SLC66A2: variants seen among roughly 807,000 people sequenced by gnomAD.
The protein encoded by SLC66A2 is PQ loop repeat containing 1.
SLC66A2 carries 23 observed loss-of-function variants against 25.5 expected under a neutral mutation model. The ratio of observed to expected loss-of-function variants is 0.90; its 90% CI spans 0.65 to 1.28. SLC66A2 has a LOEUF of 1.28. SLC66A2 is among the 50% of genes most tolerant of loss of function. The probability of loss-of-function intolerance (pLI) is 0.00; values close to 1 mark genes in which losing one functional copy is unlikely to be tolerated. For synonymous variants in SLC66A2, 193 were observed against 166.5 expected (o/e 1.16, Z -1.23); for missense variants, 396 against 373.1 (o/e 1.06, Z -0.51).
At chr18:79,932,290 A>G (rs1343524944) in intron 4 of SLC66A2, among the ~76,000 whole-genome samples, 1 of 152,178 alleles carries the variant, frequency 6.6e-6, no homozygotes, top group Non-Finnish European at 1.5e-5. Context: ...ATTAAAAAGG[A>G]AGAAAGAAAA....
rs900426749 is a variant in SLC66A2 at position 79,940,022 on chromosome 18, C to G, written c.337+3307G>C. On this transcript the variant is annotated intron_variant, in intron 3 of 5. Transcript: ENST00000397778. This position sits in a 1 kb window ranked among gnomAD's most constrained non-coding sequence, Gnocchi z 4.1. ...TCTTCTGGATGAAGCAAATGTGGTA[C>G]GTATACACCACGGAACACTATGCAG... 6.6e-6 allele frequency among the ~76,000 whole-genome samples: 1 copy of G among 152,144 alleles called. No individual in the cohort carries two copies. The highest frequency in any genetic ancestry group is 2.4e-5 in the African/African-American group (1 of 41,410).
chr18:79,907,156 G>A (rs1982231760), intron 5 of SLC66A2, among the ~76,000 whole-genome samples: 1 of 152,072 alleles, frequency 6.6e-6, no homozygotes, highest in African/African-American at 2.4e-5. Flanking sequence ...GGTATGATTA[G>A]GCCATTTACA....
intron 3 of SLC66A2, among the ~76,000 whole-genome samples, chr18:79,935,799 G>GGA (rs145555593): frequency 6.5e-4 from 99 of 151,178 alleles, no homozygotes; most frequent in African/African-American, 5.3e-4. Context: ...AGCGAGTGAG[G>GGA]GAGAGAGAGA....
rs1012093640 is a variant in SLC66A2 at position 79,918,468 on chromosome 18, G to A, written c.608+716C>T. On this transcript the variant is annotated intron_variant, in intron 5 of 5. Transcript: ENST00000397778. This position sits in a 1 kb window ranked among gnomAD's most constrained non-coding sequence, Gnocchi z 4.0. Reference sequence around the variant, plus strand: ...GCGGGCACCGGGGAGGGTCCCCAGTGAGGAGCGGCACCGGGGGGTCCCCAG... The same window carrying A: ...GCGGGCACCGGGGAGGGTCCCCAGTAAGGAGCGGCACCGGGGGGTCCCCAG... 6.6e-6 allele frequency among the ~76,000 whole-genome samples: 1 copy of A among 150,686 alleles called. No homozygotes were observed. Among genetic ancestry groups the A allele is most frequent in the Non-Finnish European group, 1.5e-5 (1 of 67,464 alleles).
chr18:79,924,408 G>A (rs988115996), intron 4 of SLC66A2, among the ~76,000 whole-genome samples: 5 of 152,186 alleles, frequency 3.3e-5, no homozygotes, highest in Admixed American at 1.3e-4. Flanking sequence ...ACGAGCCGCC[G>A]TCGGGGCTGG....
At chr18:79,934,128 T>TA (rs3837882) in intron 3 of SLC66A2, 106 bp from the exon 4 acceptor site, 599 of 598,348 alleles carry the variant, frequency 1.0e-3, no homozygotes, top group African/African-American at 6.3e-3. Flanking sequence ...TGCATTTCTT[T>TA]AAAAAAAAAA....
At chr18:79,913,122 G>A (rs924909696) in intron 5 of SLC66A2, among the ~76,000 whole-genome samples, 8 of 152,140 alleles carry the variant, frequency 5.3e-5, no homozygotes, top group African/African-American at 1.4e-4. Context: ...CTCTCCTTGC[G>A]GGGCGGCCTG....
In SLC66A2 at chr18:79,937,343, C is replaced by T. The variant is rs868373969; in HGVS notation, c.338-3321G>A. Reference sequence around the variant, plus strand: ...CGAAAGGGCCCAGCAGCATCTGACGCGGCTCCCCGGCCAGAGGGAAGAACT... The same window carrying T: ...CGAAAGGGCCCAGCAGCATCTGACGTGGCTCCCCGGCCAGAGGGAAGAACT... On this transcript the variant is annotated intron_variant, in intron 3 of 5. Transcript: ENST00000397778. The surrounding 1 kb of genome is among the most constrained non-coding windows in gnomAD (Gnocchi z 5.4). 5.3e-5 allele frequency among the ~76,000 whole-genome samples: 8 copies of T among 152,274 alleles called. No individual in the cohort carries two copies. Among genetic ancestry groups the T allele is most frequent in the African/African-American group, 9.6e-5 (4 of 41,562 alleles).
intron 3 of SLC66A2, among the ~76,000 whole-genome samples, chr18:79,936,121 C>A (rs1987060179): frequency 6.6e-6 from 1 of 152,240 alleles, no homozygotes; most frequent in African/African-American, 2.4e-5. Context: ...CTGGAGACCA[C>A]TGCTGTTGGC....
Position 79,927,189 on chromosome 18 carries a change from G to A in SLC66A2, c.391+6780C>T, listed in dbSNP as rs1042956315. On this transcript the variant is annotated intron_variant, in intron 4 of 5. Coordinates refer to ENST00000397778, the MANE Select transcript of SLC66A2 (RefSeq NM_025078.5). This position sits in a 1 kb window ranked among gnomAD's most constrained non-coding sequence, Gnocchi z 6.2. ...CAGAGCCTGTCCTTGGAAACGGCCC[G>A]GCCACCTGGGAGGGAACAAACAGGC... 1.2e-4 allele frequency among the ~76,000 whole-genome samples: 18 copies of A among 152,200 alleles called. No homozygotes were observed. The highest frequency in any genetic ancestry group is 6.5e-5 in the Admixed American group (1 of 15,284).
Position 79,937,939 on chromosome 18 carries a change from T to C in SLC66A2, c.338-3917A>G, listed in dbSNP as rs977847598. ...GCCGCAATACAGACCACGGGCAAAG[T>C]TGAGAGGAGCTAAGGGAGAACCCAC... On this transcript the variant is annotated intron_variant, in intron 3 of 5. Transcript: ENST00000397778. The surrounding 1 kb of genome is among the most constrained non-coding windows in gnomAD (Gnocchi z 5.4). 2.6e-5 allele frequency among the ~76,000 whole-genome samples: 4 copies of C among 151,760 alleles called. No homozygotes were observed. The highest frequency in any genetic ancestry group is 5.9e-5 in the Non-Finnish European group (4 of 67,930).
At chr18:79,949,230 C>T (rs532177642) in intron 2 of SLC66A2, among the ~76,000 whole-genome samples, 4 of 152,272 alleles carry the variant, frequency 2.6e-5, no homozygotes, top group Admixed American at 2.0e-4. Flanking sequence ...CTGCCCATGG[C>T]CAGGGCTGGG....
At chr18:79,914,923 C>T (rs1983769765) in intron 5 of SLC66A2, among the ~76,000 whole-genome samples, 1 of 152,266 alleles carries the variant, frequency 6.6e-6, no homozygotes. Context: ...AGCTGCTGGG[C>T]CTCCAGAATT....
intron 4 of SLC66A2, among the ~76,000 whole-genome samples, chr18:79,922,538 T>A (rs1466201832): frequency 6.6e-6 from 1 of 152,108 alleles, no homozygotes; most frequent in African/African-American, 2.4e-5. Flanking sequence ...AGTAAATCCG[T>A]ACCACATCCC....
intron 5 of SLC66A2, among the ~76,000 whole-genome samples, chr18:79,907,357 T>G (rs1239161153): frequency 1.2e-4 from 17 of 142,154 alleles, no homozygotes; most frequent in Non-Finnish European, 2.0e-4. Flanking sequence ...TTGGTTGTTT[T>G]TTTTTTTTTT....
chr18:79,924,053 G>A (rs982485156), intron 4 of SLC66A2, among the ~76,000 whole-genome samples: 1 of 146,074 alleles, frequency 6.8e-6, no homozygotes, highest in Admixed American at 6.9e-5. Flanking sequence ...AAAAAAAAAA[G>A]GCACTGGCGA....
intron 1 of SLC66A2, among the ~76,000 whole-genome samples, 186 bp from the exon 2 acceptor site, chr18:79,951,211 G>A (rs564188776): frequency 2.0e-5 from 3 of 151,810 alleles, no homozygotes; most frequent in South Asian, 2.1e-4. Context: ...CGCTCCCGGA[G>A]GGGGCTGGGG....
chr18:79,940,503 A>C lies in SLC66A2; in HGVS notation c.337+2826T>G, dbSNP rs74409589. ...TGAACTTAAAAGCTTAAAAAAAAAA[A>C]CAGAACATGTTCAGAGCCAACAACC... On this transcript the variant is annotated intron_variant, in intron 3 of 5. Coordinates refer to ENST00000397778, the MANE Select transcript of SLC66A2 (RefSeq NM_025078.5). The surrounding 1 kb of genome is among the most constrained non-coding windows in gnomAD (Gnocchi z 4.1). Among the ~76,000 whole-genome samples the C allele has an allele frequency of 5.9e-5, 9 of 152,084 alleles. No homozygotes were observed. Among genetic ancestry groups the C allele is most frequent in the South Asian group, 2.1e-4 (1 of 4,810 alleles).
intron 4 of SLC66A2, chr18:79,930,386 A>G (rs1049245516): frequency 6.6e-6 from 1 of 152,182 alleles, no homozygotes; most frequent in African/African-American, 2.4e-5. Context: ...AGGGGAAAAC[A>G]AAGATTCCCA....
Sources: allele counts gnomAD v4.1 joint callset (sites outside exome capture counted in the v4.1 genomes callset), GRCh38; gene constraint gnomAD v4.1.1; non-coding constraint Gnocchi (gnomAD v3.1); transcripts MANE v1.5; gene names NCBI Gene and HGNC (gene_info 2026-07-23, HGNC 2026-07-21).